FARS2: variants seen among roughly 807,000 people sequenced by gnomAD.
FARS2 encodes the protein phenylalanine--tRNA ligase, mitochondrial.
A neutral mutation model predicts 46.4 loss-of-function variants in FARS2; 40 were observed. The ratio of observed to expected loss-of-function variants is 0.86; its 90% CI spans 0.67 to 1.12. The LOEUF (loss-of-function observed/expected upper bound fraction) is 1.12. FARS2 is among the 50% of genes most tolerant of loss of function. The pLI is 0.00. For synonymous variants in FARS2, 234 were observed against 214.9 expected (o/e 1.09, Z -0.78); for missense variants, 513 against 567.9 (o/e 0.90, Z 0.98).
At chr6:5,336,028 G>C (rs1393592398) in intron 1 of FARS2, among the ~76,000 whole-genome samples, 1 of 152,166 alleles carries the variant, frequency 6.6e-6, no homozygotes, top group Non-Finnish European at 1.5e-5. Context: ...TGTCTTTCTA[G>C]TGCAGACTCA....
intron 1 of FARS2, among the ~76,000 whole-genome samples, chr6:5,350,845 T>C (rs978844668): frequency 2.6e-5 from 4 of 152,216 alleles, no homozygotes; most frequent in East Asian, 1.9e-4. Context: ...TCTATAGTTA[T>C]GTTCAAATGA....
At chr6:5,316,454 G>A (rs1769524776) in intron 1 of FARS2, among the ~76,000 whole-genome samples, 1 of 152,198 alleles carries the variant, frequency 6.6e-6, no homozygotes, top group South Asian at 2.1e-4. Flanking sequence ...GCTGAGCAAA[G>A]TGAAAATCAA....
At chr6:5,447,424 C>T (rs1764244408) in intron 4 of FARS2, among the ~76,000 whole-genome samples, 1 of 152,196 alleles carries the variant, frequency 6.6e-6, no homozygotes, top group African/African-American at 2.4e-5. Flanking sequence ...TGATACCCTC[C>T]AAAGAATTGT....
chr6:5,744,978 C>T (rs1204743213), intron 6 of FARS2, among the ~76,000 whole-genome samples: 1 of 152,164 alleles, frequency 6.6e-6, no homozygotes, highest in African/African-American at 2.4e-5. Context: ...ACGACCTTAC[C>T]TGTACCTGTA....
At chr6:5,481,832 C>T (rs1318636317) in intron 4 of FARS2, among the ~76,000 whole-genome samples, 1 of 151,976 alleles carries the variant, frequency 6.6e-6, no homozygotes, top group African/African-American at 2.4e-5. Context: ...TCCAGATCCA[C>T]TCTCGTGGTC....
At chr6:5,710,049 C>G (rs1275669007) in intron 6 of FARS2, among the ~76,000 whole-genome samples, 1 of 152,150 alleles carries the variant, frequency 6.6e-6, no homozygotes, top group South Asian at 2.1e-4. Context: ...CAACGCAGAC[C>G]CTTGTCTCCT....
chr6:5,275,208 A>C (rs1766253901), intron 1 of FARS2, among the ~76,000 whole-genome samples: 1 of 152,302 alleles, frequency 6.6e-6, no homozygotes, highest in East Asian at 1.9e-4. Context: ...GCTTTTTTGC[A>C]CTGAAGGACA....
chr6:5,456,594 T>G (rs200203), intron 4 of FARS2, among the ~76,000 whole-genome samples: 117,352 of 151,652 alleles, frequency 0.77, 45,605 homozygotes, highest in East Asian at 0.92. Context: ...TTAACCAGGC[T>G]TGGTGGTGCG....
In FARS2 at chr6:5,626,334, C is replaced by T. The variant is rs562621867; in HGVS notation, c.1217+13014C>T. Among the ~76,000 whole-genome samples the T allele has an allele frequency of 3.9e-5, 6 of 152,232 alleles. No individual in the cohort carries two copies. In the East Asian group the frequency reaches 9.7e-4, roughly 25 times the overall value. On this transcript the variant is annotated intron_variant, in intron 6 of 6. Coordinates refer to ENST00000274680, the MANE Select transcript of FARS2 (RefSeq NM_006567.5). ...TCGCCACCTACCTGCTGTCATGGAT[C>T]CCAGTATCCCGCAGAGCCCCCCAGA... is the stretch of plus-strand genomic sequence containing the variant.
intron 2 of FARS2, among the ~76,000 whole-genome samples, chr6:5,398,840 A>C (rs148660773): frequency 2.0e-5 from 3 of 152,086 alleles, no homozygotes; most frequent in South Asian, 2.1e-4. Flanking sequence ...TACTCATGAC[A>C]TATTTATTTT....
chr6:5,395,350 C>G (rs1760840715), intron 2 of FARS2, among the ~76,000 whole-genome samples: 1 of 152,138 alleles, frequency 6.6e-6, no homozygotes, highest in Non-Finnish European at 1.5e-5. Context: ...TGTGCCTGGC[C>G]ACTGATTGGT....
intron 6 of FARS2, among the ~76,000 whole-genome samples, chr6:5,636,849 C>G (rs1418355608): frequency 6.6e-6 from 1 of 152,168 alleles, no homozygotes; most frequent in South Asian, 2.1e-4. Context: ...GTGTCCACCT[C>G]GATCATTGAG....
chr6:5,438,169 T>C lies in FARS2; in HGVS notation c.904+6997T>C, dbSNP rs546660880. 1.1e-3 allele frequency among the ~76,000 whole-genome samples: 168 copies of C among 149,808 alleles called. 1 individual carries two copies. The highest frequency in any genetic ancestry group is 6.9e-3 in the Middle Eastern group (2 of 288). On this transcript the variant is annotated intron_variant, in intron 4 of 6. Coordinates refer to ENST00000274680, the MANE Select transcript of FARS2 (RefSeq NM_006567.5). ...CTTGTAAATACTAGTATCTTTCCTT[T>C]TTTTTTAAAAAAATTATTAACTATA...
chr6:5,451,166 A>G (rs1389625892), intron 4 of FARS2, among the ~76,000 whole-genome samples: 2 of 152,124 alleles, frequency 1.3e-5, no homozygotes, highest in Non-Finnish European at 2.9e-5. Context: ...TAAAAGTCCT[A>G]TATTTTCATC....
At chr6:5,601,169 G>A (rs1582551650) in intron 5 of FARS2, among the ~76,000 whole-genome samples, 1 of 152,138 alleles carries the variant, frequency 6.6e-6, no homozygotes, top group Non-Finnish European at 1.5e-5. Flanking sequence ...TCAAGCCACC[G>A]AGTCTGTGGT....
chr6:5,376,401 G>C (rs1759383636), intron 2 of FARS2, among the ~76,000 whole-genome samples: 1 of 152,112 alleles, frequency 6.6e-6, no homozygotes, highest in African/African-American at 2.4e-5. Flanking sequence ...AAGGCCTAGA[G>C]GAACTGTCCA....
intron 6 of FARS2, among the ~76,000 whole-genome samples, chr6:5,661,772 AACTGAAGAAAAGAAGAGAGACAAGGCCAT>A (rs1467196296): frequency 0.013 from 1,992 of 152,226 alleles, 50 homozygotes; most frequent in African/African-American, 0.045. Flanking sequence ...GTAAGTAGAC[AACTGAAGAAAAGAAGAGAGACAAGGCCAT>A]GCTTGGAAAG....
intron 6 of FARS2, among the ~76,000 whole-genome samples, chr6:5,691,463 G>C (rs9969083): frequency 0.46 from 70,440 of 152,030 alleles, 16,653 homozygotes; most frequent in Non-Finnish European, 0.49. Flanking sequence ...ACTCCAGACC[G>C]TGTTTGCCTG....
At chr6:5,408,218 G>A (rs1314830113) in intron 3 of FARS2, among the ~76,000 whole-genome samples, 12 of 152,176 alleles carry the variant, frequency 7.9e-5, no homozygotes, top group Non-Finnish European at 1.8e-4. Context: ...TGTTCTCCGA[G>A]CACACAGGCA....
Sources: allele counts gnomAD v4.1 joint callset (sites outside exome capture counted in the v4.1 genomes callset), GRCh38; gene constraint gnomAD v4.1.1; transcripts MANE v1.5; gene names NCBI Gene and HGNC (gene_info 2026-07-23, HGNC 2026-07-21).